Variants in PSMC5 observed in about 807,000 individuals in gnomAD.
PSMC5 encodes the protein 26S proteasome regulatory subunit 8.
Under a neutral mutation model 49.1 loss-of-function variants are expected in PSMC5, and 11 were observed. The observed-to-expected ratio is 0.22, with a 90% CI of 0.14 to 0.37. The LOEUF is 0.37. Among genes scored for constraint, PSMC5 ranks in the 10% least tolerant of loss-of-function variants. PSMC5 has a pLI of 1.00. For synonymous variants in PSMC5, 206 were observed against 192.2 expected, an observed-to-expected ratio of 1.07 and a Z score of -0.59; for missense variants, 229 against 520.9, an observed-to-expected ratio of 0.44 and a Z score of 5.45.
rs753465295 is a variant in PSMC5, at chr17:63,830,249, G to A, written c.322-22G>A. The A allele has an allele frequency of 2.9e-5, 47 of 1,613,982 alleles. No homozygotes were observed. Among genetic ancestry groups the A allele is most frequent in the Non-Finnish European group, 3.8e-5 (45 of 1,179,996 alleles). On this transcript the variant is annotated intron_variant, in intron 5 of 11. Coordinates refer to ENST00000310144, the MANE Select transcript of PSMC5 (RefSeq NM_002805.6). The surrounding 1 kb of genome is among the most constrained non-coding windows in gnomAD (Gnocchi z 4.0). ...GGTCAGCTCTTACTGTACCACTTCT[G>A]AAACTCGCCCCCTTCACCCAGGTGA...
In PSMC5 at chr17:63,830,539, C is replaced by G. The variant is rs371255809; in HGVS notation, c.552+38C>G. On this transcript the variant is annotated intron_variant, in intron 6 of 11. Transcript: ENST00000310144. The surrounding 1 kb of genome is among the most constrained non-coding windows in gnomAD (Gnocchi z 4.0). ...GCTTCTCTGAGAGGGCCAAGCTGTA[C>G]TTACTCCTCCTGCCCCAGCCAGCCC... 2 of 1,604,946 alleles carry G rather than the reference C, an allele frequency of 1.2e-6. No individual in the cohort carries two copies. The highest frequency in any genetic ancestry group is 1.1e-5 in the South Asian group (1 of 90,382).
chr17:63,827,465 C>G lies in PSMC5; in HGVS notation c.-26C>G. On this transcript the variant is annotated 5_prime_UTR_variant, in exon 1 of 12. Coordinates refer to ENST00000310144, the MANE Select transcript of PSMC5 (RefSeq NM_002805.6). ...CTTGCGCGCCAAGACGGCTCGGATG[C>G]CGGCGGTCTCTGCTGAAGAGAGAAG... 1 of 1,551,744 alleles carries G rather than the reference C, an allele frequency of 6.4e-7. No individual in the cohort carries two copies. Among genetic ancestry groups the G allele is most frequent in the East Asian group, 2.4e-5 (1 of 40,918 alleles).
chr17:63,828,275 A>C, intron 2 of PSMC5, 66 bp downstream of exon 2: 3 of 1,499,862 alleles, frequency 2.0e-6, no homozygotes, highest in Non-Finnish European at 2.8e-6. Flanking sequence ...ACTTCCACAA[A>C]TCCATCTAAT....
In PSMC5 at chr17:63,830,005, TTGTG is replaced by T; in HGVS notation, c.264+60_264+63del. The T allele has an allele frequency of 6.4e-7, 1 of 1,568,996 alleles. No homozygotes were observed. Among genetic ancestry groups the T allele is most frequent in the Non-Finnish European group, 8.7e-7 (1 of 1,152,202 alleles). ...CGGTCTCCACTGCATTCCCACCCCTTTGTGTGTAGCCTCGGGAGACAGGGTTCTG... is the reference window on the plus strand; with the variant it reads ...CGGTCTCCACTGCATTCCCACCCCTTTGTAGCCTCGGGAGACAGGGTTCTG... On this transcript the variant is annotated intron_variant, in intron 4 of 11. Transcript: ENST00000310144. The surrounding 1 kb of genome is among the most constrained non-coding windows in gnomAD (Gnocchi z 4.0).
In PSMC5 at chr17:63,831,779, C is replaced by T; in HGVS notation, c.1136C>T (p.Thr379Ile). ...CTGCGAGAACGGCGAGTCCATGTCACTCAGGAGGACTTTGAGATGGCAGTA... is the reference window on the plus strand; with the variant it reads ...CTGCGAGAACGGCGAGTCCATGTCATTCAGGAGGACTTTGAGATGGCAGTA... ...YALRERRVHV[T>I]QEDFEMAVAK... is the part of the protein sequence containing the mutation. Residue 379 changes from threonine to isoleucine, a missense_variant, in exon 11 of 12, where the codon ACT becomes ATT. Coordinates refer to ENST00000310144, the MANE Select transcript of PSMC5 (RefSeq NM_002805.6). The surrounding 1 kb of genome is among the most constrained non-coding windows in gnomAD (Gnocchi z 6.3). 6.2e-7 allele frequency: 1 copy of T among 1,614,212 alleles called. No individual in the cohort carries two copies. The highest frequency in any genetic ancestry group is 8.5e-7 in the Non-Finnish European group (1 of 1,180,036).
At chr17:63,827,732 G>A in intron 1 of PSMC5, 1 of 1,434,584 alleles carries the variant, frequency 7.0e-7, no homozygotes, top group Non-Finnish European at 9.1e-7. Flanking sequence ...GAAGCGGAGT[G>A]AGTGAGGGAA....
rs758336150 is a variant in PSMC5, at chr17:63,831,429, T to C, written c.969+4T>C. ...ATTCCCACCCCCCAATGAGGAGGTT[T>C]GTGATGGACACTGTGCAAAGTGGCT... On this transcript the variant is annotated splice_donor_region_variant and intron_variant, in intron 9 of 11. Coordinates refer to ENST00000310144, the MANE Select transcript of PSMC5 (RefSeq NM_002805.6). The surrounding 1 kb of genome is among the most constrained non-coding windows in gnomAD (Gnocchi z 6.3). The C allele has an allele frequency of 1.9e-6, 3 of 1,613,792 alleles. No individual in the cohort carries two copies. In the Admixed American group the frequency reaches 5.0e-5, roughly 27 times the overall value.
In PSMC5 at chr17:63,830,695, C is replaced by CTT. The variant is rs55833669; in HGVS notation, c.553-103_553-102dup. On this transcript the variant is annotated intron_variant, in intron 6 of 11. Transcript: ENST00000310144. This position sits in a 1 kb window ranked among gnomAD's most constrained non-coding sequence, Gnocchi z 4.0. Reference sequence around the variant, plus strand: ...TTGGATAGAAGGGACCTTGATGTTCCTTTTTTTTTTTTGTATCCCTAACAT... The same window carrying CTT: ...TTGGATAGAAGGGACCTTGATGTTCCTTTTTTTTTTTTTTGTATCCCTAACAT... The CTT allele has an allele frequency of 2.4e-5, 30 of 1,243,680 alleles. No individual in the cohort carries two copies. Among genetic ancestry groups the CTT allele is most frequent in the African/African-American group, 1.1e-4 (7 of 62,406 alleles). The allele number at this position is 1,243,680 out of a possible 1,614,324, so 77.0% of individuals were successfully genotyped here. A position where few individuals can be genotyped will look rare whatever the true frequency, so the allele number is the denominator to read the frequency against.
chr17:63,827,582 G>C (rs577027967), intron 1 of PSMC5, 68 bp downstream of exon 1: 1 of 1,551,244 alleles, frequency 6.4e-7, no homozygotes, highest in Non-Finnish European at 8.7e-7. Flanking sequence ...GATCTGAGTG[G>C]AGAGCGGGCC....
chr17:63,828,022 A>G lies in PSMC5; in HGVS notation c.25-116A>G. 3.6e-6 allele frequency: 5 copies of G among 1,381,998 alleles called. No homozygotes were observed. The South Asian group carries it at 5.0e-5, about 14-fold the overall frequency. The allele number at this position is 1,381,998 out of a possible 1,614,324, so 85.6% of individuals were successfully genotyped here. ...CCAGATCCTGAGCCTCCGAAGTCCA[A>G]ACTTTTTCTACTACGCAAAGCTACC... is the stretch of plus-strand genomic sequence containing the variant. On this transcript the variant is annotated intron_variant, in intron 1 of 11. Transcript: ENST00000310144.
rs1416540623 is a variant in PSMC5 at position 63,830,065 on chromosome 17, A to G, written c.265-68A>G. ...TGTCAAGGTATTGTGGGATTCTCAT[A>G]GGTCTTCCTGGGTAGGATTAGTGAT... is the stretch of plus-strand genomic sequence containing the variant. On this transcript the variant is annotated intron_variant, in intron 4 of 11. Transcript: ENST00000310144. The surrounding 1 kb of genome is among the most constrained non-coding windows in gnomAD (Gnocchi z 4.0). The G allele has an allele frequency of 1.3e-5, 20 of 1,583,610 alleles. No individual in the cohort carries two copies. The highest frequency in any genetic ancestry group is 1.7e-5 in the Non-Finnish European group (20 of 1,162,308).
chr17:63,827,827 A>G (rs2040129245), intron 1 of PSMC5: 1 of 1,428,832 alleles, frequency 7.0e-7, no homozygotes, highest in Non-Finnish European at 9.1e-7. Flanking sequence ...CTCCTTCGTC[A>G]GTACTGACAC....
intron 3 of PSMC5, 63 bp downstream of exon 3, chr17:63,829,626 C>T: frequency 6.8e-7 from 1 of 1,474,010 alleles, no homozygotes. Flanking sequence ...CCTTATCTCC[C>T]TGCACTGTGT....
intron 2 of PSMC5, 156 bp from the exon 3 acceptor site, chr17:63,829,338 C>CA: frequency 1.5e-6 from 1 of 672,810 alleles, no homozygotes; most frequent in East Asian, 2.7e-5. Context: ...AAGGACAGGG[C>CA]AGGGTCATTA....
intron 2 of PSMC5, 83 bp from the exon 3 acceptor site, chr17:63,829,411 A>G: frequency 7.8e-7 from 1 of 1,282,156 alleles, no homozygotes; most frequent in African/African-American, 1.5e-5. Context: ...CAGCTCATTC[A>G]GACCTGTGAG....
At position 63,830,465 on chromosome 17, in the gene PSMC5, T is replaced by G. The variant is rs370586480; in HGVS notation, c.516T>G (p.Pro172=). ...TGATCGAGCTGCCTGTTAAGCATCC[T>G]GAGCTCTTCGAAGCACTGGGCATTG... ...KEVIELPVKH[P]ELFEALGIAQ... Residue 172 remains proline, a synonymous_variant, in exon 6 of 12, where the codon CCT becomes CCG. Coordinates refer to ENST00000310144, the MANE Select transcript of PSMC5 (RefSeq NM_002805.6). This position sits in a 1 kb window ranked among gnomAD's most constrained non-coding sequence, Gnocchi z 4.0. 1 of 1,614,156 alleles carries G rather than the reference T, an allele frequency of 6.2e-7. No individual in the cohort carries two copies.
chr17:63,831,237 A>G lies in PSMC5; in HGVS notation c.870+11A>G. 6.3e-7 allele frequency: 1 copy of G among 1,594,164 alleles called. No individual in the cohort carries two copies. The highest frequency in any genetic ancestry group is 8.6e-7 in the Non-Finnish European group (1 of 1,167,932). On this transcript the variant is annotated intron_variant, in intron 8 of 11. Transcript: ENST00000310144. This position sits in a 1 kb window ranked among gnomAD's most constrained non-coding sequence, Gnocchi z 6.3. Reference sequence around the variant, plus strand: ...ACCAAGAACATCAAGGTAAGGTGGTAGCATCCTTGGGATGGGCCCAGGGAA... The same window carrying G: ...ACCAAGAACATCAAGGTAAGGTGGTGGCATCCTTGGGATGGGCCCAGGGAA...
chr17:63,829,174 C>T (rs1333054320), intron 2 of PSMC5: 1 of 301,602 alleles, frequency 3.3e-6, no homozygotes, highest in Non-Finnish European at 6.2e-6. Context: ...TCTCACCTAA[C>T]AATCTTTCCA....
chr17:63,830,546 C>T lies in PSMC5; in HGVS notation c.552+45C>T. ...TGAGAGGGCCAAGCTGTACTTACTC[C>T]TCCTGCCCCAGCCAGCCCTACTGCA... On this transcript the variant is annotated intron_variant, in intron 6 of 11. Transcript: ENST00000310144. This position sits in a 1 kb window ranked among gnomAD's most constrained non-coding sequence, Gnocchi z 4.0. 6.2e-7 allele frequency: 1 copy of T among 1,601,796 alleles called. No individual in the cohort carries two copies. The highest frequency in any genetic ancestry group is 8.5e-7 in the Non-Finnish European group (1 of 1,174,814).
Sources: allele counts gnomAD v4.1 joint callset, GRCh38; gene constraint gnomAD v4.1.1; non-coding constraint Gnocchi (gnomAD v3.1); transcripts MANE v1.5; gene names NCBI Gene and HGNC (gene_info 2026-07-23, HGNC 2026-07-21).